The following SAMMSON variants were observed in gnomAD, a reference collection of about 807,000 sequenced individuals.
SAMMSON encodes the protein long intergenic non-protein coding RNA 1212.
intron 3 of SAMMSON, among the ~76,000 whole-genome samples, chr3:70,016,703 G>T (rs554907230): frequency 6.6e-6 from 1 of 152,136 alleles, no homozygotes; most frequent in African/African-American, 2.4e-5. Context: ...TTTCTTCTAG[G>T]GTTTTTATGG....
At chr3:70,070,751 C>A (rs1279646686) in intron 3 of SAMMSON, among the ~76,000 whole-genome samples, 1 of 151,944 alleles carries the variant, frequency 6.6e-6, no homozygotes, top group Non-Finnish European at 1.5e-5. Flanking sequence ...CTGTGTATCT[C>A]AAATGAGTAT....
intron 4 of SAMMSON, among the ~76,000 whole-genome samples, chr3:70,099,039 A>G (rs1209827795): frequency 2.0e-5 from 3 of 152,180 alleles, no homozygotes; most frequent in Non-Finnish European, 4.4e-5. Context: ...CACCTTTGAT[A>G]TGTAAGGCTC....
chr3:70,158,430 C>T (rs2067600719), intron 4 of SAMMSON, among the ~76,000 whole-genome samples: 1 of 151,892 alleles, frequency 6.6e-6, no homozygotes, highest in African/African-American at 2.4e-5. Context: ...TATGGTTATA[C>T]CACATTTTGA....
chr3:70,380,620 C>T (rs1703057167), intron 9 of SAMMSON, among the ~76,000 whole-genome samples: 1 of 151,760 alleles, frequency 6.6e-6, no homozygotes, highest in South Asian at 2.1e-4. Flanking sequence ...TATACGTGTG[C>T]CATGTTGGTG....
Position 70,141,053 on chromosome 3 carries a change from G to A in SAMMSON, n.507+69488G>A, listed in dbSNP as rs376926360. ...TGTTTTTATTTTCTTTTTCTAGCAT[G>A]AACCTTGAAACTCTTCCAGCCTCAA... On this transcript the variant is annotated intron_variant and non_coding_transcript_variant, in intron 4 of 9. Transcript: ENST00000642114. Among the ~76,000 whole-genome samples, 12 of 151,932 alleles carry A rather than the reference G, an allele frequency of 7.9e-5. No homozygotes were observed. In the South Asian group the frequency reaches 2.5e-3, roughly 32 times the overall value.
At chr3:70,148,021 A>G (rs1399154250) in intron 4 of SAMMSON, among the ~76,000 whole-genome samples, 2 of 152,130 alleles carry the variant, frequency 1.3e-5, no homozygotes, top group African/African-American at 2.4e-5. Flanking sequence ...GCAGATGAGC[A>G]CATGAAAAGA....
chr3:70,250,061 G>T (rs962784272), intron 6 of SAMMSON, among the ~76,000 whole-genome samples: 4 of 152,116 alleles, frequency 2.6e-5, no homozygotes, highest in Non-Finnish European at 4.4e-5. Flanking sequence ...AAAATAAAGG[G>T]TGTGGTCAGG....
chr3:70,337,721 A>G (rs990485885), intron 7 of SAMMSON, among the ~76,000 whole-genome samples: 1 of 151,998 alleles, frequency 6.6e-6, no homozygotes, highest in Non-Finnish European at 1.5e-5. Flanking sequence ...GATCATAAAA[A>G]TATGATTCTC....
intron 2 of SAMMSON, among the ~76,000 whole-genome samples, chr3:70,406,652 G>A (rs918191566): frequency 6.6e-6 from 1 of 152,166 alleles, no homozygotes; most frequent in Non-Finnish European, 1.5e-5. Context: ...TGTAGGCAAT[G>A]ATCAGTTGAA....
chr3:70,295,950 T>C (rs1702285829), intron 7 of SAMMSON, among the ~76,000 whole-genome samples: 1 of 152,174 alleles, frequency 6.6e-6, no homozygotes, highest in Non-Finnish European at 1.5e-5. Context: ...AAATTATGTG[T>C]AGAAATAGAA....
At chr3:70,156,317 G>A (rs1335694785) in intron 4 of SAMMSON, among the ~76,000 whole-genome samples, 1 of 151,952 alleles carries the variant, frequency 6.6e-6, no homozygotes, top group Non-Finnish European at 1.5e-5. Context: ...TCATACTTGT[G>A]GTCTCAGTTA....
At chr3:70,133,603 G>A (rs115074665) in intron 4 of SAMMSON, among the ~76,000 whole-genome samples, 2,239 of 152,218 alleles carry the variant, frequency 0.015, 45 homozygotes, top group African/African-American at 0.052. Context: ...GCTTGTGACT[G>A]GTATCTGAAG....
At chr3:70,334,763 G>A (rs1388236928) in intron 7 of SAMMSON, among the ~76,000 whole-genome samples, 1 of 152,058 alleles carries the variant, frequency 6.6e-6, no homozygotes, top group East Asian at 1.9e-4. Flanking sequence ...TGTTGCTAAT[G>A]AATTAAAGAG....
At chr3:70,412,157 T>C (rs1373716532) in intron 2 of SAMMSON, among the ~76,000 whole-genome samples, 1 of 152,126 alleles carries the variant, frequency 6.6e-6, no homozygotes, top group Non-Finnish European at 1.5e-5. Context: ...ACTTCATGAA[T>C]TGAATATGTA....
At chr3:70,423,253 T>C (rs755984953) in intron 2 of SAMMSON, among the ~76,000 whole-genome samples, 5 of 152,318 alleles carry the variant, frequency 3.3e-5, no homozygotes, top group Non-Finnish European at 5.9e-5. Context: ...GTATATTTTG[T>C]ATTCTTTGTG....
chr3:70,332,810 G>A (rs1462241227), intron 7 of SAMMSON: 1 of 152,200 alleles, frequency 6.6e-6, no homozygotes, highest in African/African-American at 2.4e-5. Context: ...TAGCCAGGAT[G>A]GTCTCGATCT....
At chr3:70,366,001 T>TTTTCCC (rs1362861416) in intron 9 of SAMMSON, among the ~76,000 whole-genome samples, 2 of 21,770 alleles carry the variant, frequency 9.2e-5, no homozygotes, top group African/African-American at 3.4e-4. Context: ...TTTTTTTTTT[T>TTTTCCC]GAGACGGAGT....
chr3:70,114,940 T>C (rs1037849314), intron 4 of SAMMSON, among the ~76,000 whole-genome samples: 2 of 152,024 alleles, frequency 1.3e-5, no homozygotes, highest in African/African-American at 2.4e-5. Flanking sequence ...TTGCTGAGCA[T>C]TTTATAGTCA....
intron 4 of SAMMSON, among the ~76,000 whole-genome samples, chr3:70,097,284 C>A (rs2106651566): frequency 6.6e-6 from 1 of 152,308 alleles, no homozygotes; most frequent in South Asian, 2.1e-4. Context: ...CTAGATGGCA[C>A]TCATGATTCT....
Sources: allele counts gnomAD v4.1 joint callset (sites outside exome capture counted in the v4.1 genomes callset), GRCh38; gene constraint gnomAD v4.1.1; transcripts MANE v1.5; gene names NCBI Gene and HGNC (gene_info 2026-07-23, HGNC 2026-07-21).